The following UBE4B variants were observed in gnomAD, a reference collection of about 807,000 sequenced individuals.
The protein encoded by UBE4B is ubiquitination factor E4B, also known as ubiquitin conjugation factor E4 B.
UBE4B carries 27 observed loss-of-function variants against 148.1 expected under a neutral mutation model. That is an observed-to-expected ratio of 0.18 (90% confidence interval 0.13 to 0.25). UBE4B has a LOEUF of 0.25. Among genes scored for constraint, UBE4B ranks in the 10% least tolerant of loss-of-function variants. The pLI, the probability that UBE4B is intolerant of heterozygous loss-of-function variation, is 1.00. For missense variants in UBE4B, 1,170 were observed against 1,662.4 expected, an observed-to-expected ratio of 0.70 and a Z score of 5.15; for synonymous variants, 596 against 619.3, an observed-to-expected ratio of 0.96 and a Z score of 0.56.
intron 17 of UBE4B, among the ~76,000 whole-genome samples, chr1:10,141,830 T>G (rs1257931563): frequency 6.6e-6 from 1 of 152,152 alleles, no homozygotes; most frequent in Non-Finnish European, 1.5e-5. Flanking sequence ...TTTAGGTACT[T>G]GGAGTCAGCT....
chr1:10,162,037 C>T (rs1356068501), intron 23 of UBE4B, among the ~76,000 whole-genome samples: 3 of 143,536 alleles, frequency 2.1e-5, no homozygotes, highest in African/African-American at 7.8e-5. Context: ...TCACTCTTGT[C>T]GCCCACGCAG....
At chr1:10,068,465 G>A (rs989545428) in intron 1 of UBE4B, among the ~76,000 whole-genome samples, 1 of 150,476 alleles carries the variant, frequency 6.6e-6, no homozygotes, top group Non-Finnish European at 1.5e-5. Flanking sequence ...TTCTCCTGCC[G>A]CGGCCTCCTC....
At chr1:10,103,211 A>G in intron 5 of UBE4B, 119 bp downstream of exon 5, 1 of 1,043,766 alleles carries the variant, frequency 9.6e-7, no homozygotes, top group Middle Eastern at 3.3e-4. Context: ...ATTTTTGATG[A>G]CAGGGATACT....
At chr1:10,116,440 G>A (rs932154066) in intron 7 of UBE4B, among the ~76,000 whole-genome samples, 8 of 152,110 alleles carry the variant, frequency 5.3e-5, no homozygotes, top group African/African-American at 1.7e-4. Context: ...ACCATACCCG[G>A]CCATATTACC....
chr1:10,148,335 G>A (rs1331706094), intron 19 of UBE4B, among the ~76,000 whole-genome samples: 1 of 151,754 alleles, frequency 6.6e-6, no homozygotes, highest in Non-Finnish European at 1.5e-5. Context: ...ATTAACCTTA[G>A]CAAGAAGTCA....
At chr1:10,175,494 A>T (rs1206727613) in intron 25 of UBE4B, among the ~76,000 whole-genome samples, 1 of 142,346 alleles carries the variant, frequency 7.0e-6, no homozygotes, top group Non-Finnish European at 1.5e-5. Flanking sequence ...TACTAAAAAT[A>T]CAAAAAATTA....
At chr1:10,043,712 T>C (rs1412976814) in intron 1 of UBE4B, among the ~76,000 whole-genome samples, 1 of 152,036 alleles carries the variant, frequency 6.6e-6, no homozygotes, top group Non-Finnish European at 1.5e-5. Flanking sequence ...ACAGGCGTGA[T>C]CCAACGCGCT....
chr1:10,091,755 G>A (rs1298427948), intron 2 of UBE4B, among the ~76,000 whole-genome samples: 3 of 152,050 alleles, frequency 2.0e-5, no homozygotes, highest in Non-Finnish European at 2.9e-5. Context: ...ACAGGCTCCC[G>A]CCTCTGCGCC....
intron 1 of UBE4B, among the ~76,000 whole-genome samples, chr1:10,069,998 G>A (rs1042074486): frequency 3.9e-5 from 6 of 152,152 alleles, no homozygotes; most frequent in African/African-American, 7.2e-5. Context: ...AACTTGGCCC[G>A]GCATGGTGGC....
At position 10,147,177 on chromosome 1, in the gene UBE4B, A is replaced by G. The variant is rs562430145; in HGVS notation, c.2591+87A>G. The G allele has an allele frequency of 3.2e-6, 5 of 1,579,170 alleles. No homozygotes were observed. The South Asian group carries it at 5.6e-5, about 18-fold the overall frequency. On this transcript the variant is annotated intron_variant, in intron 19 of 27. Coordinates refer to ENST00000343090, the MANE Select transcript of UBE4B (RefSeq NM_001105562.3). ...TCCTTCAAAGTTGATAACTAAAACC[A>G]AAACCCTTTCTTTATCAAGAATTCA...
intron 15 of UBE4B, 73 bp from the exon 16 acceptor site, chr1:10,134,915 A>T: frequency 2.2e-6 from 3 of 1,338,002 alleles, no homozygotes; most frequent in East Asian, 2.5e-5. Flanking sequence ...AGCCTGGGCA[A>T]CAGAGTGAGA....
chr1:10,085,657 T>C (rs1270100654), intron 2 of UBE4B, among the ~76,000 whole-genome samples: 1 of 152,252 alleles, frequency 6.6e-6, no homozygotes, highest in African/African-American at 2.4e-5. Context: ...TTATAGGTTT[T>C]TTTTTAACAT....
chr1:10,105,915 T>C (rs1387967405), intron 6 of UBE4B, among the ~76,000 whole-genome samples, 171 bp downstream of exon 6: 1 of 152,212 alleles, frequency 6.6e-6, no homozygotes, highest in East Asian at 1.9e-4. Context: ...TTCTAGATTA[T>C]TATTTTTTGG....
intron 1 of UBE4B, among the ~76,000 whole-genome samples, chr1:10,060,809 G>C (rs1422348053): frequency 6.6e-6 from 1 of 151,856 alleles, no homozygotes; most frequent in Non-Finnish European, 1.5e-5. Context: ...GCCTAGGCTA[G>C]AGTGCAGTGG....
In UBE4B at chr1:10,180,098, G is replaced by C. The variant is rs952318025; in HGVS notation, c.*142G>C. On this transcript the variant is annotated 3_prime_UTR_variant, in exon 28 of 28. Coordinates refer to ENST00000343090, the MANE Select transcript of UBE4B (RefSeq NM_001105562.3). ...CCAGGCCCACCCAGAGCGAGCAAAC[G>C]CTGAGACCTGAAAGGACATGGATGA... 1.1e-6 allele frequency: 1 copy of C among 924,456 alleles called. No homozygotes were observed. The highest frequency in any genetic ancestry group is 1.7e-5 in the African/African-American group (1 of 60,500). The allele number at this position is 924,456 out of a possible 1,614,324, so 57.3% of individuals were successfully genotyped here. A position where few individuals can be genotyped will look rare whatever the true frequency, so the allele number is the denominator to read the frequency against.
At chr1:10,178,890 G>A (rs1571046686) in intron 26 of UBE4B, 72 bp downstream of exon 26, 10 of 1,461,688 alleles carry the variant, frequency 6.8e-6, no homozygotes, top group South Asian at 5.9e-5. Flanking sequence ...ACAAGAGGAC[G>A]TCCTGTGCAA....
chr1:10,127,011 C>T, intron 11 of UBE4B, 134 bp downstream of exon 11: 1 of 780,218 alleles, frequency 1.3e-6, no homozygotes, highest in Non-Finnish European at 2.1e-6. Flanking sequence ...ACTGTGTTGG[C>T]CATGCAGAGT....
chr1:10,154,805 GC>G (rs1244323257), intron 21 of UBE4B, among the ~76,000 whole-genome samples: 5 of 150,922 alleles, frequency 3.3e-5, no homozygotes, highest in Non-Finnish European at 7.4e-5. Flanking sequence ...TCGTGCCATT[GC>G]ACTCCAGCCT....
intron 1 of UBE4B, 144 bp downstream of exon 1, chr1:10,033,838 C>T: frequency 3.7e-6 from 3 of 817,298 alleles, no homozygotes; most frequent in East Asian, 3.0e-5. Context: ...CGTGACTCCC[C>T]GATAGGGTCT....
Sources: gnomAD v4.1 joint callset for allele counts (sites outside exome capture counted in the v4.1 genomes callset) on GRCh38, gnomAD v4.1.1 for gene constraint, MANE v1.5 for transcripts, NCBI Gene and HGNC (gene_info 2026-07-23, HGNC 2026-07-21) for gene names.